Variants in CCNH observed in about 807,000 individuals in gnomAD.
CCNH encodes cyclin H.
A neutral mutation model predicts 41.9 loss-of-function variants in CCNH; 31 were observed. The ratio of observed to expected loss-of-function variants is 0.74; its 90% confidence interval spans 0.56 to 1.00. The LOEUF (loss-of-function observed/expected upper bound fraction) is 1.00, where lower values mean the gene tolerates loss of function less well. Ranked by LOEUF, CCNH falls within the 50% of genes least tolerant of loss-of-function variation. CCNH has a pLI of 0.00. For synonymous variants in CCNH, 138 were observed against 136.1 expected (o/e 1.01, Z -0.10); for missense variants, 362 against 388.4 (o/e 0.93, Z 0.57).
chr5:87,392,761 G>GTTAC (rs1162802528), downstream of CCNH: 5 of 159,590 alleles, frequency 3.1e-5, no homozygotes, highest in East Asian at 3.7e-4. Flanking sequence ...ATGGAAACTT[G>GTTAC]TTACTTACCT....
upstream of CCNH, chr5:87,377,184 A>G: frequency 4.6e-6 from 5 of 1,075,476 alleles, no homozygotes; most frequent in Non-Finnish European, 6.8e-6. Context: ...TAAAAATTGC[A>G]GTTGGATGTC....
chr5:87,408,180 A>G lies in CCNH; in HGVS notation c.321T>C (p.Thr107=). The change falls in exon 4 of 9, where the codon ACT becomes ACC. Residue 107 remains threonine, a synonymous_variant. Transcript: ENST00000256897. ...CTACTTTGCAGGCCAAAAATGCACA[A>G]GTGAGCCTAGAGGAAAAAATAAGGA... ...MEYHPRIIML[T]CAFLACKVDE... 2 of 1,377,212 alleles carry G rather than the reference A, an allele frequency of 1.5e-6. No homozygotes were observed. Among genetic ancestry groups the G allele is most frequent in the Non-Finnish European group, 2.0e-6 (2 of 1,025,528 alleles). 85.3% of individuals were successfully genotyped at this position (1,377,212 alleles called of 1,614,324 possible).
intron 9 of CCNH, chr5:87,332,638 C>G (rs1757682821): frequency 6.2e-7 from 1 of 1,609,030 alleles, no homozygotes; most frequent in Non-Finnish European, 8.5e-7. Context: ...GTTGCACCAC[C>G]AGAGGCAAGT....
chr5:87,330,212 T>C (rs980391385), intron 9 of CCNH, among the ~76,000 whole-genome samples: 3 of 152,154 alleles, frequency 2.0e-5, no homozygotes, highest in African/African-American at 7.2e-5. Context: ...TTCTGTGTTT[T>C]TGTTTTATTT....
chr5:87,320,753 A>G (rs1217823814), intron 9 of CCNH, among the ~76,000 whole-genome samples: 1 of 152,262 alleles, frequency 6.6e-6, no homozygotes, highest in East Asian at 1.9e-4. Context: ...TAATGTATTC[A>G]GTTAAAGGGG....
At chr5:87,346,616 A>G (rs1758880624) in intron 9 of CCNH, 1 of 1,130,690 alleles carries the variant, frequency 8.8e-7, no homozygotes, top group South Asian at 1.4e-5. Flanking sequence ...AATTTTGATC[A>G]TATGATAACA....
At chr5:87,351,056 C>G in intron 9 of CCNH, among the ~76,000 whole-genome samples, 1 of 151,488 alleles carries the variant, frequency 6.6e-6, no homozygotes, top group East Asian at 1.9e-4. Flanking sequence ...TCGAACACAG[C>G]CATACTCTGC....
chr5:87,381,776 A>G (rs768612861), upstream of CCNH, among the ~76,000 whole-genome samples: 4 of 152,204 alleles, frequency 2.6e-5, no homozygotes, highest in Non-Finnish European at 4.4e-5. Flanking sequence ...TCAAACAAGT[A>G]TAACTGTTAA....
At chr5:87,392,238 T>A (rs1762578055), downstream of CCNH, 1 of 456,370 alleles carries the variant, frequency 2.2e-6, no homozygotes, top group Non-Finnish European at 4.4e-6. Context: ...AGCAACACTT[T>A]ATGCTATTCC....
intron 9 of CCNH, among the ~76,000 whole-genome samples, chr5:87,365,192 C>A (rs1760415640): frequency 6.6e-6 from 1 of 151,982 alleles, no homozygotes; most frequent in South Asian, 2.1e-4. Context: ...TATAGGTGTC[C>A]CCTGAGATAC....
At chr5:87,407,180 C>T (rs1375923232) in intron 4 of CCNH, among the ~76,000 whole-genome samples, 3 of 152,128 alleles carry the variant, frequency 2.0e-5, no homozygotes, top group East Asian at 1.9e-4. Flanking sequence ...TTAAATGATA[C>T]GTTCTCAGAA....
Position 87,412,859 on chromosome 5 carries a change from G to A in CCNH, c.-65C>T, listed in dbSNP as rs2112590502. ...AACCCAAACGCATCAGCGTCCTGGC[G>A]TAAAACACCCGTACCCCCACCGAAG... On this transcript the variant is annotated 5_prime_UTR_variant, in exon 1 of 9. In the 5' UTR this introduces an upstream ATG that the reference lacks. Transcript: ENST00000256897. The A allele has an allele frequency of 1.3e-6, 2 of 1,584,984 alleles. No homozygotes were observed. Among genetic ancestry groups the A allele is most frequent in the African/African-American group, 1.3e-5 (1 of 74,556 alleles).
At chr5:87,326,941 A>C (rs1290145462) in intron 9 of CCNH, among the ~76,000 whole-genome samples, 2 of 152,192 alleles carry the variant, frequency 1.3e-5, no homozygotes, top group African/African-American at 4.8e-5. Flanking sequence ...AAAATAGGTA[A>C]TTGAGACTAA....
At chr5:87,312,853 A>G in the CCNH span, among the ~76,000 whole-genome samples, 3 of 152,224 alleles carry the variant, frequency 2.0e-5, no homozygotes, top group Non-Finnish European at 4.4e-5. Context: ...ATCTTTCGCT[A>G]TCAGAGAAAA....
chr5:87,401,662 A>G (rs1763424354), intron 6 of CCNH, 40 bp downstream of exon 6: 1 of 1,223,938 alleles, frequency 8.2e-7, no homozygotes. Flanking sequence ...GGAGCTTTGT[A>G]TTGGAAGAAA....
Position 87,408,095 on chromosome 5 carries a change from G to A in CCNH, c.406C>T (p.Gln136Ter), listed in dbSNP as rs769947485. The change falls in exon 4 of 9, where the codon CAG becomes TAG. Residue 136 changes from glutamine to a stop codon, truncating the protein, a stop_gained. Coordinates refer to ENST00000256897, the MANE Select transcript of CCNH (RefSeq NM_001239.4). LOFTEE classifies it high-confidence loss of function. ...VGNLRESPLG[Q>*]EKALEQILEY... is the part of the protein sequence containing the mutation. ...AGTATCTGTTCAAGTGCCTTCTCCT[G>A]TCCAAGAGGACTCTCCCGGAGGTTT... 14 of 1,613,014 alleles carry A rather than the reference G, an allele frequency of 8.7e-6. No individual in the cohort carries two copies. The South Asian group carries it at 1.1e-4, about 13-fold the overall frequency.
intron 9 of CCNH, chr5:87,362,715 G>C (rs2112457705): frequency 6.3e-7 from 1 of 1,579,994 alleles, no homozygotes; most frequent in Non-Finnish European, 8.7e-7. Context: ...TAGAGACGTT[G>C]TAAATATGGA....
At chr5:87,331,412 G>C (rs1186845574) in intron 9 of CCNH, 1 of 1,613,638 alleles carries the variant, frequency 6.2e-7, no homozygotes, top group Non-Finnish European at 8.5e-7. Context: ...AGGGAAGTCT[G>C]GCAGTTATCT....
intron 9 of CCNH, among the ~76,000 whole-genome samples, chr5:87,328,037 T>C (rs1010750526): frequency 3.3e-5 from 5 of 152,218 alleles, no homozygotes; most frequent in African/African-American, 1.2e-4. Context: ...TTTTGTTTTT[T>C]ACATTGGCAT....
Sources: gnomAD v4.1 joint callset for allele counts (sites outside exome capture counted in the v4.1 genomes callset) on GRCh38, gnomAD v4.1.1 for gene constraint, MANE v1.5 for transcripts, NCBI Gene and HGNC (gene_info 2026-07-23, HGNC 2026-07-21) for gene names.